NPAS3: variants seen among roughly 807,000 people sequenced by gnomAD.
NPAS3 encodes the protein neuronal PAS domain-containing protein 3.
A neutral mutation model predicts 73.1 loss-of-function variants in NPAS3; 14 were observed. The observed-to-expected ratio is 0.19, with a 90% CI of 0.13 to 0.30. The LOEUF (loss-of-function observed/expected upper bound fraction) is 0.30, where lower values mean the gene tolerates loss of function less well. Among genes scored for constraint, NPAS3 ranks in the 10% least tolerant of loss-of-function variants. The probability of loss-of-function intolerance (pLI) is 1.00; values close to 1 mark genes in which losing one functional copy is unlikely to be tolerated. For synonymous variants in NPAS3, 620 were observed against 541.5 expected, an observed-to-expected ratio of 1.14 and a Z score of -2.01; for missense variants, 1,096 against 1,250.0, an observed-to-expected ratio of 0.88 and a Z score of 1.86.
intron 1 of NPAS3, among the ~76,000 whole-genome samples, chr14:33,038,839 T>A (rs57740805): frequency 0.12 from 18,898 of 152,176 alleles, 1,274 homozygotes; most frequent in African/African-American, 0.17. Context: ...GTATACAAGG[T>A]CATTGTTGTA....
chr14:33,138,050 A>ACTTCACTTT (rs1555343137), intron 2 of NPAS3, among the ~76,000 whole-genome samples: 6 of 116,256 alleles, frequency 5.2e-5, no homozygotes, highest in African/African-American at 2.2e-4. Flanking sequence ...ATAATCTATC[A>ACTTCACTTT]CTTTTTTTTT....
intron 1 of NPAS3, among the ~76,000 whole-genome samples, chr14:33,033,509 G>A (rs2040066117): frequency 6.6e-6 from 1 of 152,028 alleles, no homozygotes; most frequent in South Asian, 2.1e-4. Context: ...ATGCCTGTTT[G>A]TACATGTGTA....
intron 3 of NPAS3, among the ~76,000 whole-genome samples, chr14:33,287,397 C>T (rs1021804889): frequency 2.0e-5 from 3 of 152,054 alleles, no homozygotes; most frequent in African/African-American, 7.2e-5. Flanking sequence ...GGAGGTGAGG[C>T]GTGTAGGTCC....
chr14:33,647,937 C>T (rs191648966), intron 5 of NPAS3, among the ~76,000 whole-genome samples: 13 of 152,226 alleles, frequency 8.5e-5, no homozygotes, highest in Admixed American at 8.5e-4. Context: ...GAAATTACCT[C>T]GAAAAATAAT....
At position 33,607,502 on chromosome 14, in the gene NPAS3, A is replaced by G. The variant is rs377094793; in HGVS notation, c.558+47292A>G. 6.9e-4 allele frequency among the ~76,000 whole-genome samples: 105 copies of G among 152,138 alleles called. 2 individuals are homozygous for G. The South Asian group carries it at 0.021, about 31-fold the overall frequency. On this transcript the variant is annotated intron_variant, in intron 5 of 11. Coordinates refer to ENST00000356141, the Ensembl canonical transcript of NPAS3. ...AAATAGATTCAGTAGTTGTCTGGGG[A>G]TGGCAGTGGGTGATGGAGAGAGAGA...
intron 2 of NPAS3, among the ~76,000 whole-genome samples, chr14:33,103,130 G>A (rs113233683): frequency 2.3e-4 from 35 of 152,272 alleles, no homozygotes; most frequent in African/African-American, 8.2e-4. Flanking sequence ...GAAAATTCAG[G>A]TAAAGTATTG....
intron 4 of NPAS3, among the ~76,000 whole-genome samples, chr14:33,404,986 C>G (rs1594846994): frequency 6.6e-6 from 1 of 152,050 alleles, no homozygotes; most frequent in Non-Finnish European, 1.5e-5. Context: ...TGCATCTTTC[C>G]TTAGGGCCTG....
At chr14:33,455,681 G>T (rs1487517722) in intron 4 of NPAS3, among the ~76,000 whole-genome samples, 2 of 152,144 alleles carry the variant, frequency 1.3e-5, no homozygotes, top group African/African-American at 2.4e-5. Flanking sequence ...ATTCTGTAAG[G>T]ATCTACAAGT....
At chr14:33,660,653 G>T (rs143954593) in intron 5 of NPAS3, among the ~76,000 whole-genome samples, 16 of 152,296 alleles carry the variant, frequency 1.1e-4, no homozygotes, top group African/African-American at 3.6e-4. Flanking sequence ...AGCCATAGAT[G>T]CTCTAATGAA....
At chr14:33,059,482 A>AT (rs551397361) in intron 2 of NPAS3, among the ~76,000 whole-genome samples, 88 of 152,324 alleles carry the variant, frequency 5.8e-4, no homozygotes, top group Admixed American at 2.0e-3. Flanking sequence ...GGGTAGGTAT[A>AT]TAGTGTTTTA....
chr14:32,946,553 A>C lies in NPAS3; in HGVS notation c.50+7187A>C, dbSNP rs2036270938. Among the ~76,000 whole-genome samples, 5 of 152,094 alleles carry C rather than the reference A, an allele frequency of 3.3e-5. No individual in the cohort carries two copies. The South Asian group carries it at 1.0e-3, about 31-fold the overall frequency. ...CATTGCAGAATATATGCAAGATCTCAGTAGCAGACAAACATGCCACATTTA... is the reference window on the plus strand; with the variant it reads ...CATTGCAGAATATATGCAAGATCTCCGTAGCAGACAAACATGCCACATTTA... On this transcript the variant is annotated intron_variant, in intron 1 of 11. Coordinates refer to ENST00000356141, the Ensembl canonical transcript of NPAS3.
chr14:33,020,553 AT>A (rs1444531679), intron 1 of NPAS3, among the ~76,000 whole-genome samples: 1 of 152,120 alleles, frequency 6.6e-6, no homozygotes, highest in Admixed American at 6.5e-5. Flanking sequence ...TGTCATGCCC[AT>A]TTTTTGGATC....
intron 3 of NPAS3, among the ~76,000 whole-genome samples, chr14:33,323,319 A>T (rs1247621951): frequency 6.6e-6 from 1 of 152,180 alleles, no homozygotes; most frequent in Non-Finnish European, 1.5e-5. Context: ...TTATAATGAA[A>T]ATAATCTCTT....
chr14:33,467,681 C>T (rs1170758612), intron 4 of NPAS3, among the ~76,000 whole-genome samples: 1 of 152,158 alleles, frequency 6.6e-6, no homozygotes, highest in African/African-American at 2.4e-5. Context: ...CGGCAGTGCC[C>T]TTTGTATGCT....
intron 1 of NPAS3, among the ~76,000 whole-genome samples, chr14:33,039,641 CA>C (rs1232638801): frequency 6.6e-6 from 1 of 152,252 alleles, no homozygotes; most frequent in Non-Finnish European, 1.5e-5. Flanking sequence ...GGGTCTGCCA[CA>C]GCTCACAAAT....
chr14:33,537,417 G>T (rs894921322), intron 4 of NPAS3, among the ~76,000 whole-genome samples: 3 of 152,180 alleles, frequency 2.0e-5, no homozygotes, highest in African/African-American at 7.2e-5. Flanking sequence ...TAATGGTAAA[G>T]TGGTAAGTGG....
chr14:33,017,023 A>C (rs141172800), intron 1 of NPAS3, among the ~76,000 whole-genome samples: 50 of 152,340 alleles, frequency 3.3e-4, no homozygotes, highest in Admixed American at 8.5e-4. Context: ...AAAGAACCTG[A>C]AAACCTCAAG....
chr14:32,944,870 G>A (rs1164754464), intron 1 of NPAS3, among the ~76,000 whole-genome samples: 8 of 152,188 alleles, frequency 5.3e-5, no homozygotes, highest in African/African-American at 1.7e-4. Context: ...GGTCTTGTAT[G>A]TGAAATCAGG....
At position 33,136,305 on chromosome 14, in the gene NPAS3, C is replaced by T. The variant is rs550135879; in HGVS notation, c.141-78877C>T. ...CAATCTCCTGACCTCGTGATCCGCC[C>T]ACCTTAGCCTCCCAAAGTGCTGCGA... On this transcript the variant is annotated intron_variant, in intron 2 of 11. Coordinates refer to ENST00000356141, the Ensembl canonical transcript of NPAS3. Among the ~76,000 whole-genome samples the T allele has an allele frequency of 2.0e-4, 31 of 152,074 alleles. No homozygotes were observed. In the East Asian group the frequency reaches 4.5e-3, roughly 22 times the overall value.
Sources: allele counts gnomAD v4.1 joint callset (sites outside exome capture counted in the v4.1 genomes callset), GRCh38; gene constraint gnomAD v4.1.1; transcripts MANE v1.5; gene names NCBI Gene and HGNC (gene_info 2026-07-23, HGNC 2026-07-21).